Variants in MAML2 observed in about 807,000 individuals in gnomAD.
MAML2 encodes the protein mastermind-like protein 2.
Under a neutral mutation model 96.1 loss-of-function variants are expected in MAML2, and 22 were observed. The observed-to-expected ratio is 0.23, with a 90% CI of 0.16 to 0.33. The LOEUF is 0.33. Among genes scored for constraint, MAML2 ranks in the 10% least tolerant of loss-of-function variants. The probability of loss-of-function intolerance (pLI) is 1.00; values close to 1 mark genes in which losing one functional copy is unlikely to be tolerated. For synonymous variants in MAML2, 561 were observed against 521.3 expected (o/e 1.08, Z -1.04); for missense variants, 1,367 against 1,392.4 (o/e 0.98, Z 0.29).
chr11:96,039,896 T>G (rs979114982), intron 2 of MAML2, among the ~76,000 whole-genome samples: 1 of 150,178 alleles, frequency 6.7e-6, no homozygotes, highest in African/African-American at 2.5e-5. Context: ...AGGCGAAGCT[T>G]GCAGTGAGCA....
chr11:96,243,898 C>T (rs951182237), intron 1 of MAML2, among the ~76,000 whole-genome samples: 2 of 152,176 alleles, frequency 1.3e-5, no homozygotes, highest in Non-Finnish European at 2.9e-5. Flanking sequence ...ATCTTGGCCT[C>T]CCAAAGTGCT....
chr11:96,280,053 T>C (rs1420375323), intron 1 of MAML2, among the ~76,000 whole-genome samples: 1 of 152,090 alleles, frequency 6.6e-6, no homozygotes, highest in Non-Finnish European at 1.5e-5. Flanking sequence ...TATAGCTCCA[T>C]ATAGAGATAT....
intron 2 of MAML2, among the ~76,000 whole-genome samples, chr11:96,072,044 T>C (rs1175390998): frequency 6.6e-6 from 1 of 152,212 alleles, no homozygotes; most frequent in African/African-American, 2.4e-5. Flanking sequence ...GGGCGTAAGA[T>C]TTTACAGGAT....
intron 1 of MAML2, among the ~76,000 whole-genome samples, chr11:96,140,565 C>G (rs1201205054): frequency 2.6e-5 from 4 of 152,184 alleles, no homozygotes; most frequent in Admixed American, 2.6e-4. Flanking sequence ...TGACTTTATA[C>G]CAGAGCTCTT....
chr11:96,253,392 C>A (rs1166951103), intron 1 of MAML2, among the ~76,000 whole-genome samples: 3 of 152,210 alleles, frequency 2.0e-5, no homozygotes, highest in Non-Finnish European at 4.4e-5. Context: ...CCCTTCCTTA[C>A]TCAACACAAG....
chr11:96,326,358 CGTGTGTGTGTGTGTGT>C (rs35138919), intron 1 of MAML2, among the ~76,000 whole-genome samples: 3 of 147,638 alleles, frequency 2.0e-5, no homozygotes, highest in African/African-American at 5.1e-5. Flanking sequence ...CACACTAAAG[CGTGTGTGTGTGTGTGT>C]GTGTGTGTGT....
intron 2 of MAML2, among the ~76,000 whole-genome samples, chr11:96,041,683 G>A (rs2135756714): frequency 6.6e-6 from 1 of 152,170 alleles, no homozygotes; most frequent in South Asian, 2.1e-4. Flanking sequence ...GAGTGTGCCT[G>A]ATGTATGAGA....
chr11:96,251,003 GGT>G (rs58566383), intron 1 of MAML2, among the ~76,000 whole-genome samples: 15,450 of 152,138 alleles, frequency 0.1, 989 homozygotes, highest in African/African-American at 0.18. Context: ...GATGGTAAGG[GGT>G]GAGGGAGAAG....
Position 96,341,518 on chromosome 11 carries a change from G to C in MAML2, c.378C>G (p.Pro126=). 1.3e-6 allele frequency: 2 copies of C among 1,551,626 alleles called. No homozygotes were observed. The highest frequency in any genetic ancestry group is 1.7e-6 in the Non-Finnish European group (2 of 1,146,990). ...SQAAATAAPP[P]PPDYHHHHQQ... ...GGTGGTGATGGTGATAGTCTGGTGG[G>C]GGCGGTGGGGCTGCTGTTGCTGCTG... The change falls in exon 1 of 5, where the codon CCC becomes CCG. Residue 126 remains proline, a synonymous_variant. Transcript: ENST00000524717.
intron 3 of MAML2, among the ~76,000 whole-genome samples, chr11:95,988,988 C>G (rs1299228641): frequency 6.6e-6 from 1 of 152,082 alleles, no homozygotes; most frequent in Non-Finnish European, 1.5e-5. Flanking sequence ...ATTATAGGAC[C>G]TCCCTCATAT....
At chr11:96,091,626 A>G (rs1859707142) in intron 2 of MAML2, among the ~76,000 whole-genome samples, 1 of 152,186 alleles carries the variant, frequency 6.6e-6, no homozygotes, top group Non-Finnish European at 1.5e-5. Flanking sequence ...CTAACAGCAT[A>G]CATTATAATG....
intron 1 of MAML2, among the ~76,000 whole-genome samples, chr11:96,306,571 T>C (rs967142974): frequency 6.6e-6 from 1 of 152,208 alleles, no homozygotes; most frequent in Non-Finnish European, 1.5e-5. Flanking sequence ...CGACTGAACA[T>C]CTAGACTGGG....
chr11:96,113,905 T>C (rs1860179145), intron 1 of MAML2, among the ~76,000 whole-genome samples: 1 of 151,952 alleles, frequency 6.6e-6, no homozygotes, highest in South Asian at 2.1e-4. Flanking sequence ...AAGTCATTCA[T>C]AGAGAGTGTG....
rs1414235429 is a variant in MAML2, at chr11:96,209,555, G to C, written c.514-116038C>G. On this transcript the variant is annotated intron_variant, in intron 1 of 4. Coordinates refer to ENST00000524717, the MANE Select transcript of MAML2 (RefSeq NM_032427.4). Reference sequence around the variant, plus strand: ...GGCGCCACTGCACTCCAGCCTGGGTGACAGAGTGAAATTCCATCTCTAAAA... The same window carrying C: ...GGCGCCACTGCACTCCAGCCTGGGTCACAGAGTGAAATTCCATCTCTAAAA... Among the ~76,000 whole-genome samples the C allele has an allele frequency of 3.3e-5, 5 of 151,988 alleles. No homozygotes were observed. In the East Asian group the frequency reaches 5.8e-4, roughly 18 times the overall value.
intron 2 of MAML2, among the ~76,000 whole-genome samples, chr11:96,013,374 G>A (rs912607086): frequency 1.3e-5 from 2 of 152,170 alleles, no homozygotes; most frequent in Non-Finnish European, 2.9e-5. Context: ...CAATATAAAA[G>A]CTAAAGTATA....
chr11:96,333,873 G>T (rs1293633792), intron 1 of MAML2, among the ~76,000 whole-genome samples: 1 of 152,178 alleles, frequency 6.6e-6, no homozygotes, highest in Non-Finnish European at 1.5e-5. Flanking sequence ...TGGTTCCAAT[G>T]ATTCAAAACT....
At chr11:96,237,619 A>G (rs542043438) in intron 1 of MAML2, among the ~76,000 whole-genome samples, 23 of 152,352 alleles carry the variant, frequency 1.5e-4, no homozygotes, top group African/African-American at 5.3e-4. Context: ...AGCAGCTTTC[A>G]CATTGCTTGA....
intron 1 of MAML2, among the ~76,000 whole-genome samples, chr11:96,304,547 ACTGTATC>A (rs1296154589): frequency 6.6e-6 from 1 of 152,188 alleles, no homozygotes; most frequent in East Asian, 1.9e-4. Context: ...TCCAGCCAAT[ACTGTATC>A]CTGAGAGTGG....
At position 96,066,808 on chromosome 11, in the gene MAML2, T is replaced by C. The variant is rs568800135; in HGVS notation, c.2139+25084A>G. 3.8e-4 allele frequency among the ~76,000 whole-genome samples: 58 copies of C among 152,162 alleles called. 1 individual carries two copies. Among genetic ancestry groups the C allele is most frequent in the African/African-American group, 1.3e-3 (56 of 41,520 alleles). ...AAAAACACAAGTAAATAGAACAGAA[T>C]GTCCAAAGGTGATAAAGGCTATGGA... On this transcript the variant is annotated intron_variant, in intron 2 of 4. Transcript: ENST00000524717.
Sources: allele counts gnomAD v4.1 joint callset (sites outside exome capture counted in the v4.1 genomes callset), GRCh38; gene constraint gnomAD v4.1.1; transcripts MANE v1.5; gene names NCBI Gene and HGNC (gene_info 2026-07-23, HGNC 2026-07-21).